RABL2B: variants seen among roughly 807,000 people sequenced by gnomAD.
The protein encoded by RABL2B is rab-like protein 2B.
Under a neutral mutation model 26.7 loss-of-function variants are expected in RABL2B, and 17 were observed. That is an observed-to-expected ratio of 0.64 (90% CI 0.44 to 0.95). The LOEUF is 0.95. RABL2B is among the 40% of genes least tolerant of loss of function. The pLI is 0.00. For synonymous variants in RABL2B, 70 were observed against 103.9 expected (o/e 0.67, Z 1.99); for missense variants, 170 against 277.2 (o/e 0.61, Z 2.75).
At chr22:50,776,797 G>T (rs533965546) in intron 3 of RABL2B, 48 bp from the exon 4 acceptor site, 1 of 1,567,316 alleles carries the variant, frequency 6.4e-7, no homozygotes, top group South Asian at 1.2e-5. Flanking sequence ...AGGTAAGGAA[G>T]GAGTGGGGAG....
At chr22:50,770,044 C>T in intron 5 of RABL2B, 28 bp from the exon 6 acceptor site, 1 of 1,613,740 alleles carries the variant, frequency 6.2e-7, no homozygotes, top group Non-Finnish European at 8.5e-7. Context: ...AGAAAGATAG[C>T]TCAGGTATGT....
intron 7 of RABL2B, 149 bp from the exon 8 acceptor site, chr22:50,769,273 G>A: frequency 1.2e-6 from 1 of 801,470 alleles, no homozygotes; most frequent in Admixed American, 2.7e-5. Flanking sequence ...CCTGACCTAT[G>A]TATGGTCAAT....
intron 4 of RABL2B, 137 bp downstream of exon 4, chr22:50,776,533 C>G (rs1334955783): frequency 4.6e-6 from 6 of 1,316,942 alleles, no homozygotes; most frequent in Non-Finnish European, 6.3e-6. Flanking sequence ...TCTGGGTTCT[C>G]TCTAGCACCC....
intron 2 of RABL2B, among the ~76,000 whole-genome samples, chr22:50,781,513 T>C (rs1402012594): frequency 6.6e-6 from 1 of 151,964 alleles, no homozygotes. Flanking sequence ...GACTTGATTA[T>C]AAAAATGAAG....
At position 50,767,544 on chromosome 22, in the gene RABL2B, C is replaced by G; in HGVS notation, c.*1232G>C. 3.0e-6 allele frequency: 1 copy of G among 334,392 alleles called. No individual in the cohort carries two copies. 20.7% of individuals were successfully genotyped at this position (334,392 alleles called of 1,614,324 possible). A position where few individuals can be genotyped will look rare whatever the true frequency, so the allele number is the denominator to read the frequency against. On this transcript the variant is annotated 3_prime_UTR_variant, in exon 9 of 9. Coordinates refer to ENST00000691320, the MANE Select transcript of RABL2B (RefSeq NM_001130919.3). The stretch of plus-strand genomic sequence containing the variant: ...GCCTTTACTGTAAAAAAGGAAACAA[C>G]AAAAACAAAACCCTATTAATAAACA...
At chr22:50,773,902 A>AT (rs370565257) in intron 5 of RABL2B, among the ~76,000 whole-genome samples, 10,790 of 149,774 alleles carry the variant, frequency 0.072, 392 homozygotes, top group African/African-American at 0.083. Context: ...GGCAGACTTT[A>AT]TTTTTTTTTT....
At chr22:50,782,501 C>A (rs1365501567) in intron 1 of RABL2B, 154 bp from the exon 2 acceptor site, 6 of 1,294,046 alleles carry the variant, frequency 4.6e-6, no homozygotes, top group Non-Finnish European at 6.4e-6. Flanking sequence ...GTATGACACA[C>A]AGGCATCAAT....
rs534079737 is a variant in RABL2B at position 50,773,313 on chromosome 22, G to T, written c.297+2459C>A. Among the ~76,000 whole-genome samples the T allele has an allele frequency of 8.5e-5, 13 of 152,322 alleles. No individual in the cohort carries two copies. The South Asian group carries it at 2.7e-3, about 32-fold the overall frequency. On this transcript the variant is annotated intron_variant, in intron 5 of 8. Coordinates refer to ENST00000691320, the MANE Select transcript of RABL2B (RefSeq NM_001130919.3). ...CTTTTGGAATTTTTCAAGGGATTTT[G>T]TTCTCAAGGGGCAGTCGGGGGAATT... is the stretch of plus-strand genomic sequence containing the variant.
chr22:50,781,400 A>AAGAGAG lies in RABL2B; in HGVS notation c.107+782_107+787dup, dbSNP rs3044691. Among the ~76,000 whole-genome samples the AAGAGAG allele has an allele frequency of 1.0e-3, 144 of 141,808 alleles. 1 individual carries two copies. Among genetic ancestry groups the AAGAGAG allele is most frequent in the Middle Eastern group, 7.2e-3 (2 of 276 alleles). 93.0% of individuals were successfully genotyped at this position (141,808 alleles called of 152,430 possible). ...TGCAGTATGTGATTGTGTGGTGGGG[A>AAGAGAG]AGAGAGAGAGAGAGAGAGAGAGACA... On this transcript the variant is annotated intron_variant, in intron 2 of 8. Coordinates refer to ENST00000691320, the MANE Select transcript of RABL2B (RefSeq NM_001130919.3).
intron 4 of RABL2B, 92 bp from the exon 5 acceptor site, chr22:50,775,943 ATG>A (rs2084919338): frequency 3.6e-6 from 5 of 1,389,970 alleles, no homozygotes; most frequent in South Asian, 2.3e-5. Flanking sequence ...ACCACAGCAC[ATG>A]TGTGAGTGTA....
Position 50,780,911 on chromosome 22 carries a change from C to T in RABL2B, c.107+1277G>A, listed in dbSNP as rs375306545. On this transcript the variant is annotated intron_variant, in intron 2 of 8. Transcript: ENST00000691320. ...TTTGCTTTACACCTGCCTGCCATTTCTATTCTTTGTTGTTTTTAAACTTGA... is the reference window on the plus strand; with the variant it reads ...TTTGCTTTACACCTGCCTGCCATTTTTATTCTTTGTTGTTTTTAAACTTGA... Among the ~76,000 whole-genome samples, 4 of 152,268 alleles carry T rather than the reference C, an allele frequency of 2.6e-5. No individual in the cohort carries two copies. In the East Asian group the frequency reaches 7.7e-4, roughly 29 times the overall value.
At chr22:50,777,113 A>G (rs1291668151) in intron 3 of RABL2B, among the ~76,000 whole-genome samples, 1 of 152,214 alleles carries the variant, frequency 6.6e-6, no homozygotes, top group African/African-American at 2.4e-5. Flanking sequence ...AGGAAACCCT[A>G]ACCCTAGGTA....
In RABL2B at chr22:50,780,562, G is replaced by GT. The variant is rs1377237794; in HGVS notation, c.107+1625dup. The GT allele has an allele frequency of 7.4e-6, 3 of 403,778 alleles. No individual in the cohort carries two copies. In the Admixed American group the frequency reaches 9.2e-5, roughly 12 times the overall value. 25.0% of individuals were successfully genotyped at this position (403,778 alleles called of 1,614,324 possible). On this transcript the variant is annotated intron_variant, in intron 2 of 8. Transcript: ENST00000691320. Reference sequence around the variant, plus strand: ...AGGTTAGAGACACTGAAAATTGGCAGTAATTCTTGAGTCCAGTCAAAACTG... The same window carrying GT: ...AGGTTAGAGACACTGAAAATTGGCAGTTAATTCTTGAGTCCAGTCAAAACTG...
chr22:50,775,796 G>T lies in RABL2B; in HGVS notation c.273C>A (p.Tyr91Ter), dbSNP rs1555923164. 6.2e-7 allele frequency: 1 copy of T among 1,614,192 alleles called. No individual in the cohort carries two copies. The change falls in exon 5 of 9, where the codon TAC becomes TAA. Residue 91 changes from tyrosine to a stop codon, truncating the protein, a stop_gained. Coordinates refer to ENST00000691320, the MANE Select transcript of RABL2B (RefSeq NM_001130919.3). LOFTEE classifies it high-confidence loss of function. ...ERFQSMHASY[Y>*]HKAHACIMVF... ...CCATGATGCAGGCGTGGGCCTTGTG[G>T]TAGTAGGAGGCATGCATGCTCTGGA...
chr22:50,782,409 G>A, intron 1 of RABL2B, 62 bp from the exon 2 acceptor site: 1 of 1,507,042 alleles, frequency 6.6e-7, no homozygotes. Context: ...CAAATCTCCA[G>A]CTGTACCTCC....
At chr22:50,775,332 G>A (rs2084812275) in intron 5 of RABL2B, among the ~76,000 whole-genome samples, 1 of 152,164 alleles carries the variant, frequency 6.6e-6, no homozygotes, top group African/African-American at 2.4e-5. Flanking sequence ...GAGGCTCGGG[G>A]GGAGGCGAGG....
intron 5 of RABL2B, chr22:50,771,163 C>T (rs1231683893): frequency 6.6e-6 from 1 of 152,050 alleles, no homozygotes; most frequent in Non-Finnish European, 1.5e-5. Context: ...TTGTCTCGGC[C>T]TCCTCAGTAG....
chr22:50,770,917 T>A (rs117560537), intron 5 of RABL2B, among the ~76,000 whole-genome samples: 1,604 of 145,584 alleles, frequency 0.011, 28 homozygotes, highest in South Asian at 0.023. Flanking sequence ...TTATTTTTTT[T>A]TTTTTGTAGA....
chr22:50,780,420 G>A (rs1236783389), intron 2 of RABL2B, among the ~76,000 whole-genome samples: 1 of 42,930 alleles, frequency 2.3e-5, no homozygotes, highest in Non-Finnish European at 5.0e-5. Flanking sequence ...TTTTTTTTTT[G>A]AGACAGGGTC....
Sources: gnomAD v4.1 joint callset for allele counts (sites outside exome capture counted in the v4.1 genomes callset) on GRCh38, gnomAD v4.1.1 for gene constraint, MANE v1.5 for transcripts, NCBI Gene and HGNC (gene_info 2026-07-23, HGNC 2026-07-21) for gene names.